The following TENM4 variants were observed in gnomAD, a reference collection of about 807,000 sequenced individuals.
The protein encoded by TENM4 is teneurin transmembrane protein 4.
A neutral mutation model predicts 243.3 loss-of-function variants in TENM4; 82 were observed. The observed-to-expected ratio is 0.34, with a 90% confidence interval of 0.28 to 0.40. The LOEUF (loss-of-function observed/expected upper bound fraction) is 0.40, where lower values mean the gene tolerates loss of function less well. Ranked by LOEUF, TENM4 falls within the 10% of genes least tolerant of loss-of-function variation. The pLI, the probability that TENM4 is intolerant of heterozygous loss-of-function variation, is 1.00. For missense variants in TENM4, 3,138 were observed against 3,673.3 expected (o/e 0.85, Z 3.77); for synonymous variants, 1,412 against 1,456.3 (o/e 0.97, Z 0.69).
chr11:79,389,119 C>T (rs1565326244), intron 1 of TENM4, among the ~76,000 whole-genome samples: 1 of 152,114 alleles, frequency 6.6e-6, no homozygotes, highest in Non-Finnish European at 1.5e-5. Flanking sequence ...ATACTGATAT[C>T]TTGCCCTCAT....
At chr11:78,911,891 G>A (rs1310097956) in intron 6 of TENM4, among the ~76,000 whole-genome samples, 2 of 152,202 alleles carry the variant, frequency 1.3e-5, no homozygotes, top group African/African-American at 2.4e-5. Context: ...CCCCCAGCCC[G>A]TGGCAGCTCA....
intron 1 of TENM4, among the ~76,000 whole-genome samples, chr11:79,332,848 T>G (rs1857084053): frequency 6.6e-6 from 1 of 152,160 alleles, no homozygotes; most frequent in Non-Finnish European, 1.5e-5. Context: ...ATCTCACTCC[T>G]ATGAGAGCAA....
At position 79,211,907 on chromosome 11, in the gene TENM4, G is replaced by A. The variant is rs1175202320; in HGVS notation, c.-163+3901C>T. 2.0e-5 allele frequency among the ~76,000 whole-genome samples: 3 copies of A among 152,280 alleles called. No homozygotes were observed. In the East Asian group the frequency reaches 5.8e-4, roughly 29 times the overall value. ...GTGAAGAAGGCAGGAAGGCAGGGGA[G>A]GACAAGGTATATTAGTGTTCTTGGG... On this transcript the variant is annotated intron_variant, in intron 3 of 33. Coordinates refer to ENST00000278550, the MANE Select transcript of TENM4 (RefSeq NM_001098816.3).
intron 6 of TENM4, among the ~76,000 whole-genome samples, chr11:79,020,324 A>ATG (rs1278336973): frequency 6.6e-6 from 1 of 152,210 alleles, no homozygotes; most frequent in Non-Finnish European, 1.5e-5. Flanking sequence ...TTATTTCCAA[A>ATG]TGTTGAGCTC....
intron 6 of TENM4, among the ~76,000 whole-genome samples, chr11:79,054,994 G>T (rs1164659649): frequency 1.3e-5 from 2 of 151,836 alleles, no homozygotes; most frequent in Admixed American, 1.3e-4. Context: ...CAGGCGTGGT[G>T]GCAGAACCTG....
At chr11:79,339,927 T>C (rs990799713) in intron 1 of TENM4, among the ~76,000 whole-genome samples, 11 of 151,990 alleles carry the variant, frequency 7.2e-5, no homozygotes, top group African/African-American at 2.7e-4. Context: ...AGACCAGGCA[T>C]GGGTGGGGGC....
At chr11:78,798,418 C>G (rs1054989409) in intron 15 of TENM4, among the ~76,000 whole-genome samples, 3 of 151,866 alleles carry the variant, frequency 2.0e-5, no homozygotes, top group Non-Finnish European at 2.9e-5. Flanking sequence ...AGAGAATAAA[C>G]TGAAAGCTTA....
chr11:78,672,927 G>A (rs1858370918), intron 30 of TENM4, among the ~76,000 whole-genome samples: 1 of 151,934 alleles, frequency 6.6e-6, no homozygotes, highest in East Asian at 1.9e-4. Flanking sequence ...GGTGTCTCCT[G>A]CTTGCCACTA....
chr11:79,252,389 C>G (rs139723450), intron 2 of TENM4, among the ~76,000 whole-genome samples: 2 of 152,276 alleles, frequency 1.3e-5, no homozygotes, highest in East Asian at 3.9e-4. Context: ...CGCTCACCAC[C>G]ACACCCGGCT....
intron 6 of TENM4, among the ~76,000 whole-genome samples, chr11:78,960,635 G>C (rs1434693847): frequency 6.6e-6 from 1 of 152,104 alleles, no homozygotes; most frequent in African/African-American, 2.4e-5. Flanking sequence ...TCTCTGTCTG[G>C]CACACCTCAC....
intron 2 of TENM4, among the ~76,000 whole-genome samples, chr11:79,219,708 A>G (rs1590804065): frequency 6.6e-6 from 1 of 152,140 alleles, no homozygotes; most frequent in South Asian, 2.1e-4. Flanking sequence ...TGTGCATGAC[A>G]CCATGTACCT....
At chr11:79,287,039 C>T (rs1856267600) in intron 2 of TENM4, among the ~76,000 whole-genome samples, 1 of 152,156 alleles carries the variant, frequency 6.6e-6, no homozygotes, top group African/African-American at 2.4e-5. Context: ...AATAAAAACT[C>T]GTAGGAGATA....
intron 12 of TENM4, among the ~76,000 whole-genome samples, chr11:78,829,381 T>C (rs1003332148): frequency 1.6e-4 from 25 of 152,214 alleles, no homozygotes; most frequent in Non-Finnish European, 3.5e-4. Flanking sequence ...GCAAACCATT[T>C]AGTGTCTCTG....
intron 7 of TENM4, among the ~76,000 whole-genome samples, chr11:78,898,779 A>G (rs577936087): frequency 2.4e-4 from 36 of 152,328 alleles, no homozygotes; most frequent in African/African-American, 7.9e-4. Context: ...ATTAAAAAGT[A>G]GCATTATTTC....
intron 4 of TENM4, among the ~76,000 whole-genome samples, chr11:79,070,670 G>A (rs1380863867): frequency 6.6e-6 from 1 of 152,114 alleles, no homozygotes; most frequent in Non-Finnish European, 1.5e-5. Context: ...TCGAACAAGG[G>A]CTGGTACACA....
rs141907958 is a variant in TENM4 at position 79,349,981 on chromosome 11, G to A, written c.-320-52438C>T. ...GAGAGTGCGTGGAGATCAAGTTCTCGTGTCCCATTCTATCACATTGCCCAC... is the reference window on the plus strand; with the variant it reads ...GAGAGTGCGTGGAGATCAAGTTCTCATGTCCCATTCTATCACATTGCCCAC... On this transcript the variant is annotated intron_variant, in intron 1 of 33. Coordinates refer to ENST00000278550, the MANE Select transcript of TENM4 (RefSeq NM_001098816.3). Among the ~76,000 whole-genome samples, 1,163 of 152,256 alleles carry A rather than the reference G, an allele frequency of 7.6e-3. 12 individuals are homozygous for A. The highest frequency in any genetic ancestry group is 0.026 in the African/African-American group (1,099 of 41,544).
intron 1 of TENM4, among the ~76,000 whole-genome samples, chr11:79,306,592 A>T (rs528830086): frequency 4.2e-4 from 64 of 152,318 alleles, no homozygotes; most frequent in African/African-American, 1.5e-3. Context: ...AAGGCAAGAA[A>T]TGGTCACATA....
intron 17 of TENM4, among the ~76,000 whole-genome samples, chr11:78,776,671 G>A (rs1028143386): frequency 2.0e-5 from 3 of 152,132 alleles, no homozygotes; most frequent in African/African-American, 7.2e-5. Context: ...ATGAGGGCTT[G>A]GGTCAGACCT....
At chr11:79,364,209 C>A (rs1857637357) in intron 1 of TENM4, among the ~76,000 whole-genome samples, 1 of 152,180 alleles carries the variant, frequency 6.6e-6, no homozygotes, top group Non-Finnish European at 1.5e-5. Flanking sequence ...CACACATGCT[C>A]CATAACCGCA....
Sources: gnomAD v4.1 joint callset for allele counts (sites outside exome capture counted in the v4.1 genomes callset) on GRCh38, gnomAD v4.1.1 for gene constraint, MANE v1.5 for transcripts, NCBI Gene and HGNC (gene_info 2026-07-23, HGNC 2026-07-21) for gene names.